MYO5B: variants seen among roughly 807,000 people sequenced by gnomAD.
MYO5B encodes myosin VB.
In MYO5B, 143 loss-of-function variants were observed where a neutral mutation model predicts 229.3. The observed-to-expected ratio is 0.62, with a 90% CI of 0.54 to 0.72. MYO5B has a LOEUF of 0.72. Among genes scored for constraint, MYO5B ranks in the 30% least tolerant of loss-of-function variants. MYO5B has a pLI of 0.00. For synonymous variants in MYO5B, 918 were observed against 885.2 expected, an observed-to-expected ratio of 1.04 and a Z score of -0.66; for missense variants, 2,321 against 2,331.0, an observed-to-expected ratio of 1.00 and a Z score of 0.09.
At chr18:49,990,949 G>T (rs1378502008) in intron 6 of MYO5B, among the ~76,000 whole-genome samples, 3 of 152,124 alleles carry the variant, frequency 2.0e-5, no homozygotes, top group Non-Finnish European at 2.9e-5. Flanking sequence ...CATCAGGTCA[G>T]GCTGGGCAGA....
chr18:50,052,498 TGAACAATGA>T (rs1348349043), intron 2 of MYO5B, among the ~76,000 whole-genome samples: 2 of 137,480 alleles, frequency 1.5e-5, no homozygotes, highest in Non-Finnish European at 3.0e-5. Context: ...AGATAGGAAT[TGAACAATGA>T]GAACACATGG....
chr18:50,173,403 A>C (rs2144336357), intron 1 of MYO5B, among the ~76,000 whole-genome samples: 1 of 152,176 alleles, frequency 6.6e-6, no homozygotes, highest in Non-Finnish European at 1.5e-5. Flanking sequence ...AGGGGTTTGG[A>C]TTTTATTCCA....
At chr18:49,917,293 T>A (rs1029670146) in intron 17 of MYO5B, among the ~76,000 whole-genome samples, 14 of 152,238 alleles carry the variant, frequency 9.2e-5, no homozygotes, top group Non-Finnish European at 1.9e-4. Context: ...GGTATTCTCC[T>A]GACCATTCAA....
chr18:49,976,082 GGGAAA>G (rs1371055770), intron 9 of MYO5B, among the ~76,000 whole-genome samples: 2 of 152,296 alleles, frequency 1.3e-5, no homozygotes, highest in East Asian at 3.9e-4. Context: ...GAATCCACCT[GGGAAA>G]GCTGGTAGCC....
At chr18:50,059,127 A>G (rs1455421251) in intron 1 of MYO5B, among the ~76,000 whole-genome samples, 2 of 152,192 alleles carry the variant, frequency 1.3e-5, no homozygotes, top group Non-Finnish European at 2.9e-5. Flanking sequence ...ACTGTTGGGC[A>G]TCTTTGTATC....
chr18:49,902,993 T>C (rs1396917533), intron 20 of MYO5B, among the ~76,000 whole-genome samples, 160 bp from the exon 21 acceptor site: 1 of 152,190 alleles, frequency 6.6e-6, no homozygotes, highest in Non-Finnish European at 1.5e-5. Context: ...TTGGTGGTTG[T>C]TTTATAACAC....
rs1385959415 is a variant in MYO5B at position 49,841,918 on chromosome 18, T to A, written c.4612-464A>T. On this transcript the variant is annotated intron_variant, in intron 34 of 39. Coordinates refer to ENST00000285039, the MANE Select transcript of MYO5B (RefSeq NM_001080467.3). Reference sequence around the variant, plus strand: ...ATTTATCTAGATGTCAGATGCATCATGGCTTTAACTCTCTAGAAAATGGCT... The same window carrying A: ...ATTTATCTAGATGTCAGATGCATCAAGGCTTTAACTCTCTAGAAAATGGCT... Among the ~76,000 whole-genome samples the A allele has an allele frequency of 2.6e-5, 4 of 152,202 alleles. No homozygotes were observed. The East Asian group carries it at 7.7e-4, about 29-fold the overall frequency.
chr18:49,977,978 T>C (rs944364949), intron 9 of MYO5B, among the ~76,000 whole-genome samples: 10 of 152,244 alleles, frequency 6.6e-5, no homozygotes, highest in African/African-American at 2.4e-4. Context: ...ATATGAACCT[T>C]GGCCATCTCG....
rs1363503198 is a variant in MYO5B at position 49,983,146 on chromosome 18, CT to C, written c.946+1571del. On this transcript the variant is annotated intron_variant, in intron 8 of 39. Transcript: ENST00000285039. ...TTATCTCTCAGCTTCAAAGCATCCC[CT>C]TTGCCCTGCTTTATCAAACTGAAGC... Among the ~76,000 whole-genome samples, 7 of 152,336 alleles carry C rather than the reference CT, an allele frequency of 4.6e-5. No homozygotes were observed. In the East Asian group the frequency reaches 1.2e-3, roughly 25 times the overall value.
chr18:49,962,883 C>T (rs2025576291), intron 11 of MYO5B, 66 bp downstream of exon 11: 2 of 1,341,098 alleles, frequency 1.5e-6, no homozygotes, highest in South Asian at 1.2e-5. Flanking sequence ...AGAGAAGTGG[C>T]CTGTCTGTCC....
chr18:50,004,958 T>C (rs2026085859), intron 4 of MYO5B, among the ~76,000 whole-genome samples: 1 of 152,162 alleles, frequency 6.6e-6, no homozygotes, highest in African/African-American at 2.4e-5. Context: ...CTGTCTGACT[T>C]TGGACAAAGT....
chr18:50,081,977 C>A (rs899827838), intron 1 of MYO5B, among the ~76,000 whole-genome samples: 1 of 152,148 alleles, frequency 6.6e-6, no homozygotes, highest in South Asian at 2.1e-4. Context: ...TAACAAAATT[C>A]TTTTCTAAAA....
At chr18:49,844,393 C>T (rs776384381) in intron 33 of MYO5B, among the ~76,000 whole-genome samples, 41 of 152,208 alleles carry the variant, frequency 2.7e-4, no homozygotes, top group Non-Finnish European at 1.8e-4. Context: ...GTTCTTTACA[C>T]TCATACCCTC....
At chr18:50,149,018 C>T (rs2032550864) in intron 1 of MYO5B, among the ~76,000 whole-genome samples, 1 of 150,534 alleles carries the variant, frequency 6.6e-6, no homozygotes, top group South Asian at 2.1e-4. Context: ...ACAAAAATCA[C>T]AAGCATTCTT....
chr18:50,182,652 C>T (rs2033088824), intron 1 of MYO5B, among the ~76,000 whole-genome samples: 1 of 152,232 alleles, frequency 6.6e-6, no homozygotes, highest in Middle Eastern at 3.2e-3. Flanking sequence ...ATTTAATTAT[C>T]TCCTGACAGG....
At chr18:50,021,079 C>G (rs771426734) in intron 4 of MYO5B, among the ~76,000 whole-genome samples, 1 of 152,160 alleles carries the variant, frequency 6.6e-6, no homozygotes, top group Non-Finnish European at 1.5e-5. Context: ...ACTGGTTCTG[C>G]ACTCCCAGTG....
intron 1 of MYO5B, among the ~76,000 whole-genome samples, chr18:50,106,728 A>C (rs1159190486): frequency 6.6e-6 from 1 of 152,208 alleles, no homozygotes; most frequent in Non-Finnish European, 1.5e-5. Context: ...CAACCCTGCT[A>C]ACTCCACATG....
intron 14 of MYO5B, among the ~76,000 whole-genome samples, chr18:49,951,092 G>C (rs543815476): frequency 5.9e-5 from 9 of 152,268 alleles, no homozygotes; most frequent in African/African-American, 1.9e-4. Context: ...TCCCTGGTAG[G>C]CATGTCAAAA....
chr18:50,003,760 C>T (rs2026071840), intron 4 of MYO5B, among the ~76,000 whole-genome samples: 1 of 152,166 alleles, frequency 6.6e-6, no homozygotes, highest in South Asian at 2.1e-4. Flanking sequence ...TGTTCAGCCC[C>T]AGATAAATGG....
Sources: gnomAD v4.1 joint callset for allele counts (sites outside exome capture counted in the v4.1 genomes callset) on GRCh38, gnomAD v4.1.1 for gene constraint, MANE v1.5 for transcripts, NCBI Gene and HGNC (gene_info 2026-07-23, HGNC 2026-07-21) for gene names.